NR2C2: variants seen among roughly 807,000 people sequenced by gnomAD.
NR2C2 encodes the protein nuclear receptor subfamily 2 group C member 2.
In NR2C2, 6 loss-of-function variants were observed where a neutral mutation model predicts 62.9. The ratio of observed to expected loss-of-function variants is 0.10; its 90% CI spans 0.05 to 0.19. The LOEUF (loss-of-function observed/expected upper bound fraction) is 0.19. Among genes scored for constraint, NR2C2 ranks in the 10% least tolerant of loss-of-function variants. NR2C2 has a pLI of 1.00. For synonymous variants in NR2C2, 272 were observed against 273.8 expected, an observed-to-expected ratio of 0.99 and a Z score of 0.07; for missense variants, 479 against 762.7, an observed-to-expected ratio of 0.63 and a Z score of 4.38.
rs781089119 is a variant in NR2C2 at position 15,020,941 on chromosome 3, C to T, written c.556+9C>T. Reference sequence around the variant, plus strand: ...GGGCATGAAAATGGAATGTGAGTAACAATATTTAAAAACCACATGAGTTAA... The same window carrying T: ...GGGCATGAAAATGGAATGTGAGTAATAATATTTAAAAACCACATGAGTTAA... On this transcript the variant is annotated intron_variant, in intron 5 of 13. Transcript: ENST00000425241. 1 of 1,611,974 alleles carries T rather than the reference C, an allele frequency of 6.2e-7. No homozygotes were observed. Among genetic ancestry groups the T allele is most frequent in the Non-Finnish European group, 8.5e-7 (1 of 1,178,500 alleles).
intron 9 of NR2C2, among the ~76,000 whole-genome samples, chr3:15,031,758 TCTCA>T (rs2041986126): frequency 6.6e-6 from 1 of 151,342 alleles, no homozygotes; most frequent in African/African-American, 2.4e-5. Context: ...TGAGACTGAG[TCTCA>T]CTGTCACCCA....
At chr3:14,979,326 C>A (rs1170427867) in intron 1 of NR2C2, among the ~76,000 whole-genome samples, 1 of 152,102 alleles carries the variant, frequency 6.6e-6, no homozygotes, top group Non-Finnish European at 1.5e-5. Context: ...CAAGGTATTC[C>A]AGAAATATTT....
chr3:14,981,787 G>A (rs963784894), intron 1 of NR2C2, among the ~76,000 whole-genome samples: 11 of 152,074 alleles, frequency 7.2e-5, no homozygotes, highest in African/African-American at 2.2e-4. Context: ...CAGGCCACTG[G>A]TATAGGTCCA....
At chr3:15,030,981 T>A (rs1356204129) in intron 9 of NR2C2, among the ~76,000 whole-genome samples, 2 of 152,206 alleles carry the variant, frequency 1.3e-5, no homozygotes, top group Non-Finnish European at 2.9e-5. Context: ...GCCATTTGGT[T>A]CTGAAGGTAA....
At chr3:14,964,847 G>A (rs1294884221) in intron 1 of NR2C2, among the ~76,000 whole-genome samples, 2 of 152,020 alleles carry the variant, frequency 1.3e-5, no homozygotes, top group African/African-American at 2.4e-5. Flanking sequence ...ACAATAATTT[G>A]TATTCATTTC....
intron 7 of NR2C2, 77 bp from the exon 8 acceptor site, chr3:15,028,509 G>T: frequency 1.4e-6 from 2 of 1,445,998 alleles, no homozygotes; most frequent in Non-Finnish European, 1.9e-6. Context: ...TTTTGAACCA[G>T]CATTATAACT....
In NR2C2 at chr3:14,951,666, T is replaced by G. The variant is rs186139502; in HGVS notation, c.-40+3760T>G. 3.9e-5 allele frequency among the ~76,000 whole-genome samples: 6 copies of G among 152,330 alleles called. No homozygotes were observed. In the East Asian group the frequency reaches 1.2e-3, roughly 29 times the overall value. On this transcript the variant is annotated intron_variant, in intron 1 of 13. Transcript: ENST00000425241. ...AGTTGTATTCACAGTGACTTTTAAG[T>G]TTTGTTTCGTGATCATTCTTTTATA... is the stretch of plus-strand genomic sequence containing the variant.
chr3:14,950,507 A>G (rs1231809151), intron 1 of NR2C2, among the ~76,000 whole-genome samples: 1 of 139,982 alleles, frequency 7.1e-6, no homozygotes, highest in East Asian at 2.1e-4. Flanking sequence ...TTCCTTGACC[A>G]GTGTAGCTTA....
At chr3:14,992,499 A>C (rs1369946947) in intron 1 of NR2C2, among the ~76,000 whole-genome samples, 2 of 152,236 alleles carry the variant, frequency 1.3e-5, no homozygotes, top group Non-Finnish European at 2.9e-5. Context: ...CTAAGTGTTC[A>C]TTCACTAAGC....
At chr3:15,042,532 CTACTT>C in intron 13 of NR2C2, 1 of 262,838 alleles carries the variant, frequency 3.8e-6, no homozygotes, top group Non-Finnish European at 7.1e-6. Context: ...ATGAAGACTC[CTACTT>C]TAGTCTGTCC....
Position 14,989,880 on chromosome 3 carries a change from C to T in NR2C2, c.-39-13996C>T, listed in dbSNP as rs529781755. ...CTGGGAGATGGAGGTTGCAGTGAGC[C>T]GAGATTGCACTCCAGCCTGGGCGAC... On this transcript the variant is annotated intron_variant, in intron 1 of 13. Transcript: ENST00000425241. Among the ~76,000 whole-genome samples, 10 of 132,754 alleles carry T rather than the reference C, an allele frequency of 7.5e-5. No homozygotes were observed. In the South Asian group the frequency reaches 1.2e-3, roughly 16 times the overall value. 87.1% of individuals were successfully genotyped at this position (132,754 alleles called of 152,430 possible).
intron 1 of NR2C2, among the ~76,000 whole-genome samples, chr3:14,966,295 G>T (rs1327036264): frequency 1.3e-5 from 2 of 152,200 alleles, no homozygotes; most frequent in African/African-American, 4.8e-5. Context: ...TCTCTAACGG[G>T]ATAAGCCCGA....
chr3:14,951,680 CA>C (rs1330020636), intron 1 of NR2C2, among the ~76,000 whole-genome samples: 1 of 151,976 alleles, frequency 6.6e-6, no homozygotes, highest in African/African-American at 2.4e-5. Context: ...GTTTCGTGAT[CA>C]TTCTTTTATA....
At chr3:15,015,521 A>G (rs1178046473) in intron 3 of NR2C2, among the ~76,000 whole-genome samples, 1 of 152,198 alleles carries the variant, frequency 6.6e-6, no homozygotes, top group Admixed American at 6.5e-5. Flanking sequence ...TTGTTACGGG[A>G]AGAATCTTAA....
intron 8 of NR2C2, among the ~76,000 whole-genome samples, chr3:15,029,673 G>C (rs545911478): frequency 1.4e-4 from 22 of 152,216 alleles, no homozygotes; most frequent in African/African-American, 4.8e-4. Flanking sequence ...TAGAAATTGG[G>C]CCTAGGTGCA....
At chr3:15,030,204 C>A in intron 8 of NR2C2, 71 bp from the exon 9 acceptor site, 1 of 1,287,370 alleles carries the variant, frequency 7.8e-7, no homozygotes, top group South Asian at 1.3e-5. Context: ...TTTTCTAAAT[C>A]ATAGCTAGAA....
intron 1 of NR2C2, among the ~76,000 whole-genome samples, chr3:14,957,100 G>T (rs1157578039): frequency 6.6e-6 from 1 of 152,182 alleles, no homozygotes; most frequent in East Asian, 1.9e-4. Context: ...TCTGAGAGAT[G>T]AGCTTAGTGC....
chr3:15,027,934 C>T (rs1180780815), intron 7 of NR2C2, among the ~76,000 whole-genome samples: 1 of 151,978 alleles, frequency 6.6e-6, no homozygotes, highest in East Asian at 1.9e-4. Context: ...TCTCAGCTCA[C>T]TGCAACCTCT....
chr3:14,950,152 A>G (rs181902164), intron 1 of NR2C2, among the ~76,000 whole-genome samples: 1 of 152,396 alleles, frequency 6.6e-6, no homozygotes, highest in East Asian at 1.9e-4. Flanking sequence ...ATTAAGTGAT[A>G]TAAATAATGA....
Sources: allele counts gnomAD v4.1 joint callset (sites outside exome capture counted in the v4.1 genomes callset), GRCh38; gene constraint gnomAD v4.1.1; transcripts MANE v1.5; gene names NCBI Gene and HGNC (gene_info 2026-07-23, HGNC 2026-07-21).